The following SAMD5 variants were observed in gnomAD, a reference collection of about 807,000 sequenced individuals.
SAMD5 encodes the protein sterile alpha motif domain-containing protein 5.
A neutral mutation model predicts 11.3 loss-of-function variants in SAMD5; 13 were observed. The observed-to-expected ratio is 1.15, with a 90% CI of 0.75 to 1.83. The LOEUF (loss-of-function observed/expected upper bound fraction) is 1.83. Among genes scored for constraint, SAMD5 ranks in the 40% most tolerant of loss-of-function variants. SAMD5 has a pLI of 0.00. For missense variants in SAMD5, 255 were observed against 239.1 expected, an observed-to-expected ratio of 1.07 and a Z score of -0.44; for synonymous variants, 129 against 111.3, an observed-to-expected ratio of 1.16 and a Z score of -1.00.
At chr6:147,927,312 A>C in the SAMD5 span, among the ~76,000 whole-genome samples, 1 of 152,090 alleles carries the variant, frequency 6.6e-6, no homozygotes, top group East Asian at 1.9e-4. Flanking sequence ...ATGTTTTTCC[A>C]TTTGTTTGTA....
the SAMD5 span, among the ~76,000 whole-genome samples, chr6:147,940,027 G>T: frequency 1.3e-5 from 2 of 152,018 alleles, no homozygotes; most frequent in African/African-American, 2.4e-5. Flanking sequence ...GCCAGCAGGT[G>T]TCTTAGGCAA....
rs180765299 is a variant in SAMD5 at position 147,609,473 on chromosome 6, A to G, written c.162+100086A>G. On this transcript the variant is annotated intron_variant, in intron 1 of 1. Transcript: ENST00000566741. ...TGTAGTTCTTAGTTATGGCAGCCCC[A>G]GAAAACTACTGCACTCCCTGAAAGA... Among the ~76,000 whole-genome samples, 527 of 152,296 alleles carry G rather than the reference A, an allele frequency of 3.5e-3. 2 individuals are homozygous for G. Among genetic ancestry groups the G allele is most frequent in the African/African-American group, 0.012 (507 of 41,570 alleles).
chr6:147,545,560 T>TG (rs1788672086), intron 1 of SAMD5, among the ~76,000 whole-genome samples: 1 of 152,054 alleles, frequency 6.6e-6, no homozygotes, highest in Non-Finnish European at 1.5e-5. Context: ...TTGCCTGATT[T>TG]GGGGGCAGGG....
the SAMD5 span, among the ~76,000 whole-genome samples, chr6:147,839,109 C>A: frequency 2.6e-5 from 4 of 152,186 alleles, no homozygotes; most frequent in Non-Finnish European, 5.9e-5. Flanking sequence ...CACCTATGAA[C>A]CCTTTCTCAC....
At chr6:147,899,658 C>T in the SAMD5 span, among the ~76,000 whole-genome samples, 1 of 152,154 alleles carries the variant, frequency 6.6e-6, no homozygotes, top group East Asian at 1.9e-4. Context: ...TTCACATTAC[C>T]GGAATGGCAT....
the SAMD5 span, among the ~76,000 whole-genome samples, chr6:147,896,014 T>TG: frequency 2.0e-5 from 3 of 152,238 alleles, no homozygotes; most frequent in South Asian, 6.2e-4. Context: ...GCACGTGGCA[T>TG]AGCTTCCACA....
At chr6:147,595,919 T>C (rs1367936586) in intron 1 of SAMD5, among the ~76,000 whole-genome samples, 1 of 152,182 alleles carries the variant, frequency 6.6e-6, no homozygotes, top group Non-Finnish European at 1.5e-5. Flanking sequence ...GGGCCCTATA[T>C]ACAGCTCCGT....
chr6:147,701,494 C>T (rs1043210558), intron 1 of SAMD5, among the ~76,000 whole-genome samples: 4 of 151,778 alleles, frequency 2.6e-5, no homozygotes, highest in South Asian at 2.1e-4. Context: ...ATTAGCCAGG[C>T]GTGGTGACAC....
At chr6:147,830,316 G>A in the SAMD5 span, among the ~76,000 whole-genome samples, 229 of 139,814 alleles carry the variant, frequency 1.6e-3, 1 homozygote, top group African/African-American at 6.2e-3. Context: ...GAGTGCAGTG[G>A]TGCAATCTTG....
chr6:147,828,980 A>G, the SAMD5 span, among the ~76,000 whole-genome samples: 530 of 152,308 alleles, frequency 3.5e-3, 3 homozygotes, highest in African/African-American at 0.011. Context: ...TTACCCCTTC[A>G]ATATGGAGTC....
chr6:147,659,846 T>C (rs2128454284), intron 1 of SAMD5, among the ~76,000 whole-genome samples: 1 of 152,286 alleles, frequency 6.6e-6, no homozygotes, highest in East Asian at 1.9e-4. Context: ...GAAACAGGAC[T>C]GGGAAAAGCT....
At chr6:147,894,373 C>T in the SAMD5 span, among the ~76,000 whole-genome samples, 5 of 152,140 alleles carry the variant, frequency 3.3e-5, no homozygotes, top group African/African-American at 7.2e-5. Flanking sequence ...CCGCCTGCAT[C>T]GGCCTCCCAA....
At chr6:147,586,465 G>A (rs1286950646) in intron 1 of SAMD5, among the ~76,000 whole-genome samples, 2 of 152,116 alleles carry the variant, frequency 1.3e-5, no homozygotes, top group Non-Finnish European at 1.5e-5. Flanking sequence ...CTATGTTGAT[G>A]TTCATGTGAA....
chr6:147,509,260 G>A lies in SAMD5; in HGVS notation c.332G>A (p.Arg111His). ...GCCCAGGGCACCCGCGGGGACTCTC[G>A]CGGCCACACGACCGCCCCCCGCAGC... is the stretch of plus-strand genomic sequence containing the variant. ...GPAQGTRGDS[R>H]GHTTAPRSRE... The change falls in exon 1 of 2, where the codon CGC becomes CAC. Residue 111 changes from arginine (R) to histidine (H), a missense_variant. Arg to His is a conservative substitution (Grantham distance 29). Coordinates refer to ENST00000367474, the MANE Select transcript of SAMD5 (RefSeq NM_001030060.3). 1 of 1,538,440 alleles carries A rather than the reference G, an allele frequency of 6.5e-7. No individual in the cohort carries two copies. The highest frequency in any genetic ancestry group is 8.7e-7 in the Non-Finnish European group (1 of 1,145,648).
intron 1 of SAMD5, among the ~76,000 whole-genome samples, chr6:147,520,543 G>C (rs541688668): frequency 6.6e-6 from 1 of 152,314 alleles, no homozygotes; most frequent in African/African-American, 2.4e-5. Flanking sequence ...CAGTGAAACA[G>C]ATTGATAATT....
At chr6:147,554,343 A>G (rs1288287222) in intron 1 of SAMD5, among the ~76,000 whole-genome samples, 1 of 152,138 alleles carries the variant, frequency 6.6e-6, no homozygotes, top group Non-Finnish European at 1.5e-5. Flanking sequence ...CAACATGCAA[A>G]TGTGCCTGGG....
chr6:147,566,654 G>C lies in SAMD5; in HGVS notation c.*2198G>C. On this transcript the variant is annotated 3_prime_UTR_variant, in exon 2 of 2. Transcript: ENST00000367474. The stretch of plus-strand genomic sequence containing the variant: ...GTTTAAACCTTCTCTCTGTGTCTGT[G>C]GTTAGAATTTGAAAATAACAATGCT... 1.0e-6 allele frequency: 1 copy of C among 981,328 alleles called. No homozygotes were observed. Among genetic ancestry groups the C allele is most frequent in the Non-Finnish European group, 1.2e-6 (1 of 826,096 alleles). The allele number at this position is 981,328 out of a possible 1,614,324, so 60.8% of individuals were successfully genotyped here.
At chr6:147,687,281 T>TC (rs1791031247) in intron 1 of SAMD5, among the ~76,000 whole-genome samples, 1 of 144,678 alleles carries the variant, frequency 6.9e-6, no homozygotes, top group African/African-American at 2.6e-5. Context: ...TCCTTCTTTT[T>TC]TTTTTTTTTT....
chr6:147,744,922 TAAGTAAGTA>T, the SAMD5 span, among the ~76,000 whole-genome samples: 1 of 136,378 alleles, frequency 7.3e-6, no homozygotes, highest in Non-Finnish European at 1.6e-5. Context: ...AATAAATAAA[TAAGTAAGTA>T]AAAGAGACCC....
Sources: gnomAD v4.1 joint callset for allele counts (sites outside exome capture counted in the v4.1 genomes callset) on GRCh38, gnomAD v4.1.1 for gene constraint, MANE v1.5 for transcripts, NCBI Gene and HGNC (gene_info 2026-07-23, HGNC 2026-07-21) for gene names.